The following CADPS variants were observed in gnomAD, a reference collection of about 807,000 sequenced individuals.
CADPS encodes the protein calcium-dependent secretion activator 1.
A neutral mutation model predicts 167.3 loss-of-function variants in CADPS; 57 were observed. The observed-to-expected ratio is 0.34, with a 90% confidence interval of 0.28 to 0.42. The LOEUF (loss-of-function observed/expected upper bound fraction) is 0.42, where lower values mean the gene tolerates loss of function less well. Ranked by LOEUF, CADPS falls within the 20% of genes least tolerant of loss-of-function variation. The pLI, the probability that CADPS is intolerant of heterozygous loss-of-function variation, is 1.00. For synonymous variants in CADPS, 676 were observed against 635.3 expected, an observed-to-expected ratio of 1.06 and a Z score of -0.96; for missense variants, 1,414 against 1,738.1, an observed-to-expected ratio of 0.81 and a Z score of 3.32.
At chr3:62,663,611 CA>C (rs34328613) in intron 3 of CADPS, among the ~76,000 whole-genome samples, 23,116 of 119,456 alleles carry the variant, frequency 0.19, 1,565 homozygotes, top group Admixed American at 0.26. Context: ...TCCCTGCCTC[CA>C]AAAAAAAAAA....
chr3:62,435,443 T>C (rs776260399), intron 28 of CADPS, among the ~76,000 whole-genome samples: 4 of 152,248 alleles, frequency 2.6e-5, no homozygotes, highest in Non-Finnish European at 4.4e-5. Context: ...CAGTAAGTAC[T>C]GAATTAAATT....
intron 1 of CADPS, among the ~76,000 whole-genome samples, chr3:62,789,027 A>G (rs1381403080): frequency 1.3e-5 from 2 of 152,118 alleles, no homozygotes; most frequent in Non-Finnish European, 2.9e-5. Context: ...GTTCTCCCTG[A>G]CTTTTGCTGA....
At chr3:62,661,600 G>T (rs2073217220) in intron 4 of CADPS, among the ~76,000 whole-genome samples, 3 of 152,160 alleles carry the variant, frequency 2.0e-5, no homozygotes, top group South Asian at 4.1e-4. Flanking sequence ...TGTCCTGGGA[G>T]CAATGAGGGA....
At chr3:62,599,628 T>C (rs2059435059) in intron 6 of CADPS, among the ~76,000 whole-genome samples, 1 of 11,874 alleles carries the variant, frequency 8.4e-5, no homozygotes, top group African/African-American at 2.0e-4. Context: ...TAATATATAA[T>C]ATAATAAATA....
chr3:62,839,599 G>C (rs1335869973), intron 1 of CADPS, among the ~76,000 whole-genome samples: 1 of 152,184 alleles, frequency 6.6e-6, no homozygotes, highest in Non-Finnish European at 1.5e-5. Flanking sequence ...TTGGTGAGGA[G>C]CTAAGACTCA....
At chr3:62,640,703 T>C (rs9883298) in intron 6 of CADPS, among the ~76,000 whole-genome samples, 6,626 of 152,262 alleles carry the variant, frequency 0.044, 489 homozygotes, top group African/African-American at 0.15. Context: ...AATAATCAAA[T>C]GCCAAGTGGC....
chr3:62,470,181 A>G (rs1232041280), intron 24 of CADPS, among the ~76,000 whole-genome samples: 3 of 152,228 alleles, frequency 2.0e-5, no homozygotes, highest in African/African-American at 4.8e-5. Context: ...ATGTTTCAGC[A>G]GCTGCCTTTA....
chr3:62,400,039 A>G (rs1705323294), intron 29 of CADPS, among the ~76,000 whole-genome samples: 1 of 152,232 alleles, frequency 6.6e-6, no homozygotes, highest in South Asian at 2.1e-4. Flanking sequence ...TTGTAACTGC[A>G]TAAGCTGTAC....
In CADPS at chr3:62,797,506, C is replaced by T. The variant is rs144942569; in HGVS notation, c.442-31522G>A. Among the ~76,000 whole-genome samples the T allele has an allele frequency of 3.9e-5, 6 of 152,268 alleles. 1 individual carries two copies. The highest frequency in any genetic ancestry group is 1.4e-4 in the African/African-American group (6 of 41,540). Reference sequence around the variant, plus strand: ...AATTTAAAAGGTTTCCTGATCATGTCCTTTGCAGAGACATGGATGGAGCTG... The same window carrying T: ...AATTTAAAAGGTTTCCTGATCATGTTCTTTGCAGAGACATGGATGGAGCTG... On this transcript the variant is annotated intron_variant, in intron 1 of 29. Coordinates refer to ENST00000383710, the MANE Select transcript of CADPS (RefSeq NM_003716.4).
intron 21 of CADPS, among the ~76,000 whole-genome samples, chr3:62,482,162 A>G (rs923795695): frequency 2.0e-5 from 3 of 152,228 alleles, no homozygotes; most frequent in Admixed American, 6.5e-5. Flanking sequence ...ATCCATTGCC[A>G]TAAGAGTCTA....
At chr3:62,717,616 T>C (rs1187320668) in intron 3 of CADPS, among the ~76,000 whole-genome samples, 1 of 152,202 alleles carries the variant, frequency 6.6e-6, no homozygotes. Flanking sequence ...GTTTCCATAT[T>C]GTTCTGCTGA....
chr3:62,645,961 G>A, intron 5 of CADPS, 118 bp from the exon 6 acceptor site: 1 of 1,138,184 alleles, frequency 8.8e-7, no homozygotes, highest in South Asian at 1.5e-5. Context: ...GATGGCTTCT[G>A]TTAGGTTTGT....
intron 2 of CADPS, among the ~76,000 whole-genome samples, chr3:62,757,546 G>C (rs556287206): frequency 6.6e-6 from 1 of 152,138 alleles, no homozygotes; most frequent in African/African-American, 2.4e-5. Context: ...CTGGATTGGG[G>C]CGAGAAGGTC....
intron 11 of CADPS, among the ~76,000 whole-genome samples, chr3:62,548,704 G>A (rs778873934): frequency 5.3e-5 from 8 of 152,254 alleles, no homozygotes; most frequent in Non-Finnish European, 1.2e-4. Flanking sequence ...GATCGTGCAA[G>A]CACTGTGTTA....
At chr3:62,721,649 G>C (rs1386227962) in intron 3 of CADPS, among the ~76,000 whole-genome samples, 1 of 151,812 alleles carries the variant, frequency 6.6e-6, no homozygotes, top group Non-Finnish European at 1.5e-5. Flanking sequence ...CAACAAAAAA[G>C]CCAAACAAAA....
At chr3:62,587,781 T>C (rs896058712) in intron 7 of CADPS, among the ~76,000 whole-genome samples, 1 of 152,194 alleles carries the variant, frequency 6.6e-6, no homozygotes, top group African/African-American at 2.4e-5. Context: ...GTGCAACTGC[T>C]TGCTGGGGAG....
At chr3:62,565,071 T>C (rs945750766) in intron 9 of CADPS, among the ~76,000 whole-genome samples, 1 of 152,184 alleles carries the variant, frequency 6.6e-6, no homozygotes, top group African/African-American at 2.4e-5. Flanking sequence ...CTCTATGGAA[T>C]TGGCACCTTT....
At chr3:62,675,968 A>C (rs1443516635) in intron 3 of CADPS, among the ~76,000 whole-genome samples, 1 of 148,026 alleles carries the variant, frequency 6.8e-6, no homozygotes, top group Admixed American at 6.8e-5. Context: ...CTCCCCAATT[A>C]CTGTAAAATC....
intron 1 of CADPS, among the ~76,000 whole-genome samples, chr3:62,858,755 G>A (rs942496481): frequency 6.6e-6 from 1 of 151,876 alleles, no homozygotes; most frequent in South Asian, 2.1e-4. Context: ...TGTTGCTTGA[G>A]TTCAAGGTTA....
Sources: gnomAD v4.1 joint callset for allele counts (sites outside exome capture counted in the v4.1 genomes callset) on GRCh38, gnomAD v4.1.1 for gene constraint, MANE v1.5 for transcripts, NCBI Gene and HGNC (gene_info 2026-07-23, HGNC 2026-07-21) for gene names.